MFN1: variants seen among roughly 807,000 people sequenced by gnomAD.
The protein encoded by MFN1 is mitofusin 1.
A neutral mutation model predicts 92.4 loss-of-function variants in MFN1; 65 were observed. That is an observed-to-expected ratio of 0.70 (90% CI 0.58 to 0.86). MFN1 has a LOEUF of 0.86. Ranked by LOEUF, MFN1 falls within the 40% of genes least tolerant of loss-of-function variation. The pLI is 0.00. For synonymous variants in MFN1, 297 were observed against 300.9 expected (o/e 0.99, Z 0.13); for missense variants, 781 against 868.0 (o/e 0.90, Z 1.26).
intron 7 of MFN1, among the ~76,000 whole-genome samples, 175 bp downstream of exon 7, chr3:179,365,400 G>A (rs1016414289): frequency 2.0e-5 from 3 of 152,196 alleles, no homozygotes; most frequent in African/African-American, 4.8e-5. Flanking sequence ...AAGTTACTTT[G>A]AGGGAAAATT....
At chr3:179,378,521 C>A in intron 13 of MFN1, 64 bp from the exon 14 acceptor site, 2 of 1,522,360 alleles carry the variant, frequency 1.3e-6, no homozygotes, top group Non-Finnish European at 9.0e-7. Flanking sequence ...TTCCTTTAGG[C>A]ATTCCATTGA....
chr3:179,357,328 C>G (rs1712385135), intron 3 of MFN1, among the ~76,000 whole-genome samples: 1 of 152,106 alleles, frequency 6.6e-6, no homozygotes, highest in Non-Finnish European at 1.5e-5. Context: ...GCATGTAATT[C>G]TTGTTAACCC....
intron 3 of MFN1, among the ~76,000 whole-genome samples, chr3:179,353,692 T>C (rs947909675): frequency 1.3e-5 from 2 of 152,226 alleles, no homozygotes; most frequent in African/African-American, 4.8e-5. Flanking sequence ...CTGCCACAGC[T>C]TATATGCAAA....
Position 179,380,496 on chromosome 3 carries a change from G to A in MFN1, c.1662+1682G>A, listed in dbSNP as rs1391105604. Among the ~76,000 whole-genome samples the A allele has an allele frequency of 4.6e-5, 7 of 152,266 alleles. No individual in the cohort carries two copies. The East Asian group carries it at 5.8e-4, about 13-fold the overall frequency. On this transcript the variant is annotated intron_variant, in intron 14 of 17. Transcript: ENST00000471841. Reference sequence around the variant, plus strand: ...ATGGATCCCTAGGGACATCTTTTCTGATTGGTTTCACAAACATTTTATACC... The same window carrying A: ...ATGGATCCCTAGGGACATCTTTTCTAATTGGTTTCACAAACATTTTATACC...
At chr3:179,348,173 C>T (rs1711992166) in intron 1 of MFN1, 1 of 152,406 alleles carries the variant, frequency 6.6e-6, no homozygotes, top group African/African-American at 2.4e-5. Flanking sequence ...CGGCTTTTCC[C>T]ACGCAGCTCC....
At chr3:179,383,146 G>T (rs1383209120) in intron 14 of MFN1, among the ~76,000 whole-genome samples, 1 of 152,170 alleles carries the variant, frequency 6.6e-6, no homozygotes, top group East Asian at 1.9e-4. Context: ...CCTTGCCCAT[G>T]CCTGTGTCCT....
rs796556836 is a variant in MFN1, at chr3:179,366,020, A to T, written c.753+795A>T. Among the ~76,000 whole-genome samples the T allele has an allele frequency of 2.9e-4, 44 of 152,286 alleles. 2 individuals carry two copies. The highest frequency in any genetic ancestry group is 9.9e-4 in the African/African-American group (41 of 41,566). On this transcript the variant is annotated intron_variant, in intron 7 of 17. Coordinates refer to ENST00000471841, the MANE Select transcript of MFN1 (RefSeq NM_033540.3). The stretch of plus-strand genomic sequence containing the variant: ...GCATATGTATGCATTTTTGTTAGGT[A>T]GTTCTCAGTGTGGAGGATGGACAGT...
At chr3:179,386,826 T>C (rs1713704837) in intron 16 of MFN1, among the ~76,000 whole-genome samples, 197 bp downstream of exon 16, 1 of 152,208 alleles carries the variant, frequency 6.6e-6, no homozygotes. Flanking sequence ...ACTATTCTTC[T>C]TTCCATTCTC....
intron 3 of MFN1, among the ~76,000 whole-genome samples, chr3:179,355,556 G>A (rs1370876519): frequency 1.3e-5 from 2 of 152,202 alleles, no homozygotes; most frequent in South Asian, 2.1e-4. Flanking sequence ...ATTGGCTTAT[G>A]TTGGTGATTG....
Position 179,348,091 on chromosome 3 carries a change from CGGTG to C in MFN1, c.-8+282_-8+285del, listed in dbSNP as rs1576998256. Reference sequence around the variant, plus strand: ...GGGCTCTGGCCCTGACTCCTGCGCCCGGTGTGGGAAGGTGGGAGGCCTTTTCTAA... The same window carrying C: ...GGGCTCTGGCCCTGACTCCTGCGCCCTGGGAAGGTGGGAGGCCTTTTCTAA... On this transcript the variant is annotated intron_variant, in intron 1 of 17. Transcript: ENST00000471841. 2.0e-5 allele frequency: 3 copies of C among 151,926 alleles called. No individual in the cohort carries two copies. The East Asian group carries it at 5.8e-4, about 29-fold the overall frequency. 9.4% of individuals were successfully genotyped at this position (151,926 alleles called of 1,614,324 possible).
At chr3:179,382,744 A>C (rs1713520073) in intron 14 of MFN1, among the ~76,000 whole-genome samples, 1 of 152,162 alleles carries the variant, frequency 6.6e-6, no homozygotes, top group Admixed American at 6.5e-5. Context: ...TTGTTTCCTG[A>C]CTTTGTAATG....
At chr3:179,365,403 G>A (rs961794614) in intron 7 of MFN1, among the ~76,000 whole-genome samples, 178 bp downstream of exon 7, 1 of 152,122 alleles carries the variant, frequency 6.6e-6, no homozygotes, top group Non-Finnish European at 1.5e-5. Context: ...TTACTTTGAG[G>A]GAAAATTGTG....
At chr3:179,373,331 T>C (rs757410027) in intron 9 of MFN1, among the ~76,000 whole-genome samples, 2 of 152,152 alleles carry the variant, frequency 1.3e-5, no homozygotes, top group Non-Finnish European at 2.9e-5. Context: ...AATGCACGTG[T>C]AGCATCCTGA....
At chr3:179,355,647 T>C (rs1033779339) in intron 3 of MFN1, among the ~76,000 whole-genome samples, 5 of 152,050 alleles carry the variant, frequency 3.3e-5, no homozygotes, top group African/African-American at 7.2e-5. Context: ...GAAGAGGGAC[T>C]ATCCATGGAA....
intron 4 of MFN1, among the ~76,000 whole-genome samples, chr3:179,360,919 C>CT (rs1038126003): frequency 1.5e-4 from 23 of 152,128 alleles, no homozygotes; most frequent in African/African-American, 5.3e-4. Flanking sequence ...GGTCGGATTG[C>CT]TTGAGACCAG....
intron 5 of MFN1, among the ~76,000 whole-genome samples, chr3:179,363,427 T>G (rs1712660798): frequency 6.6e-6 from 1 of 152,128 alleles, no homozygotes. Context: ...ACTAAAAGAA[T>G]ATAATTGTAT....
chr3:179,391,876 CTTCA>C (rs1166068478), intron 17 of MFN1, 101 bp from the exon 18 acceptor site: 4 of 699,794 alleles, frequency 5.7e-6, no homozygotes, highest in East Asian at 2.7e-5. Context: ...CTGTTATGCT[CTTCA>C]TTGTTTATTA....
At chr3:179,367,654 G>A in intron 8 of MFN1, 62 bp downstream of exon 8, 1 of 1,413,594 alleles carries the variant, frequency 7.1e-7, no homozygotes, top group Non-Finnish European at 9.4e-7. Context: ...GCTGGGTGCG[G>A]TGGCTCACGC....
Position 179,358,827 on chromosome 3 carries a change from G to A in MFN1, c.249-13G>A. ...GTTATGTTTTGTTTTTCATGATTTT[G>A]TATATTCTTCAGGACAAGCAGTGGG... On this transcript the variant is annotated splice_polypyrimidine_tract_variant and intron_variant, in intron 3 of 17. Coordinates refer to ENST00000471841, the MANE Select transcript of MFN1 (RefSeq NM_033540.3). 2 of 1,600,832 alleles carry A rather than the reference G, an allele frequency of 1.2e-6. No homozygotes were observed. Among genetic ancestry groups the A allele is most frequent in the African/African-American group, 1.3e-5 (1 of 74,574 alleles).
Sources: gnomAD v4.1 joint callset for allele counts (sites outside exome capture counted in the v4.1 genomes callset) on GRCh38, gnomAD v4.1.1 for gene constraint, MANE v1.5 for transcripts, NCBI Gene and HGNC (gene_info 2026-07-23, HGNC 2026-07-21) for gene names.